The following RUNX1 variants were observed in gnomAD, a reference collection of about 807,000 sequenced individuals.
RUNX1 encodes the protein RUNX family transcription factor 1, also known as runt-related transcription factor 1.
RUNX1 carries 19 observed loss-of-function variants against 42.8 expected under a neutral mutation model. The observed-to-expected ratio is 0.44, with a 90% CI of 0.31 to 0.65. The LOEUF (loss-of-function observed/expected upper bound fraction) is 0.65, where lower values mean the gene tolerates loss of function less well. Among genes scored for constraint, RUNX1 ranks in the 30% least tolerant of loss-of-function variants. The pLI is 0.07. For missense variants in RUNX1, 528 were observed against 672.0 expected, an observed-to-expected ratio of 0.79 and a Z score of 2.37; for synonymous variants, 271 against 289.4, an observed-to-expected ratio of 0.94 and a Z score of 0.64.
At chr21:34,887,124 G>T in intron 3 of RUNX1, 28 bp from the exon 4 acceptor site, 1 of 1,598,042 alleles carries the variant, frequency 6.3e-7, no homozygotes, top group South Asian at 1.1e-5. Context: ...ACAACAAGCC[G>T]ATTGAGTTAG....
intron 2 of RUNX1, among the ~76,000 whole-genome samples, chr21:34,936,292 ACT>A (rs891540223): frequency 3.9e-5 from 6 of 151,972 alleles, no homozygotes; most frequent in African/African-American, 1.5e-4. Flanking sequence ...AAAAAATAGC[ACT>A]CTGTCATTTC....
chr21:34,791,218 T>G lies in RUNX1; in HGVS notation c.*917A>C, dbSNP rs537953509. 8.6e-6 allele frequency: 2 copies of G among 233,004 alleles called. No individual in the cohort carries two copies. The highest frequency in any genetic ancestry group is 1.7e-5 in the Non-Finnish European group (2 of 117,650). The allele number at this position is 233,004 out of a possible 1,614,324, so 14.4% of individuals were successfully genotyped here. On this transcript the variant is annotated 3_prime_UTR_variant, in exon 9 of 9. Transcript: ENST00000675419. ...AACCAAGCGATCACATTACTCATTC[T>G]TTTTTTCTAGCCTTCTTCAATGTGA...
chr21:35,011,508 C>T (rs1289754975), intron 2 of RUNX1, among the ~76,000 whole-genome samples: 1 of 152,290 alleles, frequency 6.6e-6, no homozygotes, highest in East Asian at 1.9e-4. Flanking sequence ...TGGGTTGAAA[C>T]AGAAAAGAAC....
chr21:34,794,095 C>T (rs1425358527), intron 8 of RUNX1, among the ~76,000 whole-genome samples: 1 of 152,042 alleles, frequency 6.6e-6, no homozygotes, highest in East Asian at 1.9e-4. Context: ...ATAAATTAAT[C>T]TGTGATATTA....
intron 2 of RUNX1, among the ~76,000 whole-genome samples, chr21:34,998,064 T>C (rs2059010308): frequency 1.3e-5 from 2 of 152,178 alleles, no homozygotes; most frequent in Admixed American, 1.3e-4. Context: ...TCTAGACATC[T>C]ACCACTCAAA....
intron 2 of RUNX1, among the ~76,000 whole-genome samples, chr21:35,017,371 A>G (rs1483319010): frequency 6.6e-6 from 1 of 152,162 alleles, no homozygotes; most frequent in Non-Finnish European, 1.5e-5. Context: ...CGAGTGAACA[A>G]AGGGTGCCGA....
intron 2 of RUNX1, among the ~76,000 whole-genome samples, chr21:35,028,308 T>C (rs2059250900): frequency 6.6e-6 from 1 of 152,224 alleles, no homozygotes; most frequent in African/African-American, 2.4e-5. Context: ...AGGATTCTTA[T>C]GTACTGCCAA....
At chr21:35,001,838 T>C (rs1335545422) in intron 2 of RUNX1, among the ~76,000 whole-genome samples, 1 of 152,210 alleles carries the variant, frequency 6.6e-6, no homozygotes, top group Non-Finnish European at 1.5e-5. Flanking sequence ...GTTGTGTTTC[T>C]ACATACTTGC....
intron 2 of RUNX1, among the ~76,000 whole-genome samples, chr21:34,939,614 G>C (rs1433041604): frequency 6.6e-6 from 1 of 152,034 alleles, no homozygotes; most frequent in Non-Finnish European, 1.5e-5. Flanking sequence ...AGGGAGGTTT[G>C]GAACATAAGC....
At chr21:34,834,228 G>T in intron 7 of RUNX1, 182 bp downstream of exon 7, 1 of 717,170 alleles carries the variant, frequency 1.4e-6, no homozygotes, top group South Asian at 1.5e-5. Flanking sequence ...GGTCTGGGGT[G>T]GGTGGGGCCC....
intron 2 of RUNX1, among the ~76,000 whole-genome samples, chr21:35,044,301 G>A (rs2059381346): frequency 6.6e-6 from 1 of 152,070 alleles, no homozygotes; most frequent in Admixed American, 6.5e-5. Context: ...CTCTCTCCAG[G>A]GAGCCTCCTG....
At chr21:34,868,505 A>G (rs995647313) in intron 5 of RUNX1, among the ~76,000 whole-genome samples, 1 of 152,146 alleles carries the variant, frequency 6.6e-6, no homozygotes, top group Admixed American at 6.6e-5. Flanking sequence ...CCACTGGAGC[A>G]TCTCTCAGCT....
intron 2 of RUNX1, among the ~76,000 whole-genome samples, chr21:34,974,820 G>T (rs2058788889): frequency 6.6e-6 from 1 of 152,186 alleles, no homozygotes; most frequent in Non-Finnish European, 1.5e-5. Context: ...ATCTGTTTTT[G>T]TGAGTCAGCC....
chr21:34,970,528 C>G (rs889806531), intron 2 of RUNX1, among the ~76,000 whole-genome samples: 40 of 152,216 alleles, frequency 2.6e-4, no homozygotes, highest in Admixed American at 2.6e-4. Flanking sequence ...CAAAAGTCAC[C>G]TTCAGCCTTC....
At chr21:34,887,212 A>T in intron 3 of RUNX1, 116 bp from the exon 4 acceptor site, 1 of 1,196,936 alleles carries the variant, frequency 8.4e-7, no homozygotes, top group Non-Finnish European at 1.1e-6. Context: ...ACCAACATAC[A>T]CGTTCAGGGG....
Position 34,792,321 on chromosome 21 carries a change from C to T in RUNX1, c.1257G>A (p.Val419=), listed in dbSNP as rs1172332120. The change falls in exon 9 of 9, where the codon GTG becomes GTA. Residue 419 remains valine, a synonymous_variant. Coordinates refer to ENST00000675419, the MANE Select transcript of RUNX1 (RefSeq NM_001754.5). The surrounding 1 kb of genome is among the most constrained non-coding windows in gnomAD (Gnocchi z 6.9). ...TGCGCGGCGGCGAGCGCTCGCCGCCCACCATGGAGAACTGGTAGGAGCCGG... is the reference window on the plus strand; with the variant it reads ...TGCGCGGCGGCGAGCGCTCGCCGCCTACCATGGAGAACTGGTAGGAGCCGG... ...ASAGSYQFSM[V]GGERSPPRIL... 9 of 1,551,540 alleles carry T rather than the reference C, an allele frequency of 5.8e-6. No individual in the cohort carries two copies. The Admixed American group carries it at 1.4e-4, about 24-fold the overall frequency.
chr21:34,967,402 G>A (rs1056946313), intron 2 of RUNX1, among the ~76,000 whole-genome samples: 1 of 143,226 alleles, frequency 7.0e-6, no homozygotes, highest in Non-Finnish European at 1.5e-5. Context: ...ATGGAATCAT[G>A]GATGGACCCC....
At chr21:35,045,761 C>T (rs1048442973) in intron 2 of RUNX1, among the ~76,000 whole-genome samples, 6 of 152,120 alleles carry the variant, frequency 3.9e-5, no homozygotes, top group East Asian at 1.9e-4. Context: ...CTGAAAAGAG[C>T]GGCAAGCCGA....
At chr21:34,844,435 C>A (rs2057287826) in intron 6 of RUNX1, among the ~76,000 whole-genome samples, 1 of 152,168 alleles carries the variant, frequency 6.6e-6, no homozygotes, top group Non-Finnish European at 1.5e-5. Flanking sequence ...GGCCTCCTAA[C>A]CTCCCTGCAG....
Sources: allele counts gnomAD v4.1 joint callset (sites outside exome capture counted in the v4.1 genomes callset), GRCh38; gene constraint gnomAD v4.1.1; non-coding constraint Gnocchi (gnomAD v3.1); transcripts MANE v1.5; gene names NCBI Gene and HGNC (gene_info 2026-07-23, HGNC 2026-07-21).